Variants in CDH13 observed in about 807,000 individuals in gnomAD.
CDH13 encodes cadherin 13.
Under a neutral mutation model 63.8 loss-of-function variants are expected in CDH13, and 24 were observed. The ratio of observed to expected loss-of-function variants is 0.38; its 90% CI spans 0.27 to 0.53. The LOEUF (loss-of-function observed/expected upper bound fraction) is 0.53. Ranked by LOEUF, CDH13 falls within the 20% of genes least tolerant of loss-of-function variation. The pLI is 0.85. For synonymous variants in CDH13, 503 were observed against 355.3 expected (o/e 1.42, Z -4.67); for missense variants, 1,049 against 903.1 (o/e 1.16, Z -2.07).
chr16:82,897,646 G>C (rs1328015277), intron 2 of CDH13, among the ~76,000 whole-genome samples: 3 of 152,218 alleles, frequency 2.0e-5, no homozygotes, highest in Admixed American at 6.5e-5. Context: ...GTCTTCTGAA[G>C]TTGACACTTA....
chr16:83,321,328 A>G (rs2090218791), intron 5 of CDH13, among the ~76,000 whole-genome samples: 2 of 152,138 alleles, frequency 1.3e-5, no homozygotes, highest in African/African-American at 4.8e-5. Context: ...CTTTAATGGA[A>G]TTAATTAGTA....
chr16:83,783,059 C>G (rs1021840178), intron 12 of CDH13, among the ~76,000 whole-genome samples, 195 bp from the exon 13 acceptor site: 11 of 152,166 alleles, frequency 7.2e-5, no homozygotes, highest in Admixed American at 5.9e-4. Flanking sequence ...CTTCTGGGCA[C>G]TTGGAATGTG....
At chr16:82,635,189 G>C (rs1354480510) in intron 1 of CDH13, among the ~76,000 whole-genome samples, 1 of 152,212 alleles carries the variant, frequency 6.6e-6, no homozygotes, top group African/African-American at 2.4e-5. Context: ...CCAGGGCTTA[G>C]AACAGTGCCT....
chr16:83,617,883 T>C, intron 8 of CDH13, among the ~76,000 whole-genome samples: 1 of 152,166 alleles, frequency 6.6e-6, no homozygotes, highest in East Asian at 1.9e-4. Flanking sequence ...TCTAATAATA[T>C]ATGACATAAA....
At position 82,817,030 on chromosome 16, in the gene CDH13, C is replaced by T. The variant is rs145315417; in HGVS notation, c.46-41332C>T. On this transcript the variant is annotated intron_variant, in intron 1 of 13. Transcript: ENST00000567109. Reference sequence around the variant, plus strand: ...TATCCCTTAGGAGGAGATATCTAAGCCACTATGCAGTTGTGAGGTCTTTAG... The same window carrying T: ...TATCCCTTAGGAGGAGATATCTAAGTCACTATGCAGTTGTGAGGTCTTTAG... Among the ~76,000 whole-genome samples, 5 of 152,182 alleles carry T rather than the reference C, an allele frequency of 3.3e-5. No individual in the cohort carries two copies. The East Asian group carries it at 9.7e-4, about 30-fold the overall frequency.
chr16:83,180,919 C>T (rs2038329133), intron 4 of CDH13: 6 of 1,531,410 alleles, frequency 3.9e-6, no homozygotes, highest in Middle Eastern at 1.7e-4. Flanking sequence ...GAAGGCATTA[C>T]AGCAGATTTA....
intron 5 of CDH13, among the ~76,000 whole-genome samples, chr16:83,224,952 T>C (rs568078857): frequency 6.6e-6 from 1 of 152,328 alleles, no homozygotes; most frequent in Non-Finnish European, 1.5e-5. Flanking sequence ...AGCTAGCAGG[T>C]AAACAGTTGA....
rs140435658 is a variant in CDH13 at position 83,449,806 on chromosome 16, T to C, written c.782-36671T>C. Among the ~76,000 whole-genome samples the C allele has an allele frequency of 3.3e-5, 5 of 152,338 alleles. No individual in the cohort carries two copies. The East Asian group carries it at 7.7e-4, about 24-fold the overall frequency. ...AAATAGGGACGTTAACGCTGGGACGTACTCTGCTGGTTTGTTTTGAAGAGA... is the reference window on the plus strand; with the variant it reads ...AAATAGGGACGTTAACGCTGGGACGCACTCTGCTGGTTTGTTTTGAAGAGA... On this transcript the variant is annotated intron_variant, in intron 6 of 13. Coordinates refer to ENST00000567109, the MANE Select transcript of CDH13 (RefSeq NM_001257.5).
At chr16:82,917,491 G>A (rs1209220937) in intron 2 of CDH13, among the ~76,000 whole-genome samples, 1 of 152,104 alleles carries the variant, frequency 6.6e-6, no homozygotes, top group Non-Finnish European at 1.5e-5. Context: ...AGGCAAGAGA[G>A]GCAAGAAGGA....
At chr16:83,379,351 A>G (rs1292864791) in intron 6 of CDH13, among the ~76,000 whole-genome samples, 2 of 152,274 alleles carry the variant, frequency 1.3e-5, no homozygotes, top group East Asian at 1.9e-4. Context: ...TCCATGGCCT[A>G]TGGTACAAAG....
chr16:83,264,622 G>A (rs1394416555), intron 5 of CDH13, among the ~76,000 whole-genome samples: 2 of 151,248 alleles, frequency 1.3e-5, no homozygotes, highest in African/African-American at 4.9e-5. Flanking sequence ...TAACTTTTAA[G>A]GTTCTTTTTG....
intron 1 of CDH13, among the ~76,000 whole-genome samples, chr16:82,743,865 G>A (rs1288814982): frequency 1.3e-5 from 2 of 151,984 alleles, no homozygotes; most frequent in Non-Finnish European, 2.9e-5. Flanking sequence ...AAGCTATTCA[G>A]GTGTATGTAA....
intron 3 of CDH13, among the ~76,000 whole-genome samples, chr16:83,083,577 G>T (rs989816786): frequency 6.6e-6 from 1 of 152,134 alleles, no homozygotes. Context: ...CCGAAATTCT[G>T]TTGTTTTCTC....
At chr16:83,524,276 T>G (rs1310901627) in intron 7 of CDH13, among the ~76,000 whole-genome samples, 1 of 151,984 alleles carries the variant, frequency 6.6e-6, no homozygotes, top group African/African-American at 2.4e-5. Flanking sequence ...CCAGGCCCAG[T>G]GAAGGAGTAG....
At chr16:82,751,958 T>C (rs2151070954) in intron 1 of CDH13, among the ~76,000 whole-genome samples, 1 of 152,282 alleles carries the variant, frequency 6.6e-6, no homozygotes, top group East Asian at 1.9e-4. Flanking sequence ...TGTATCTGTC[T>C]TCCAGAAACA....
chr16:83,587,162 T>A (rs1451883351), intron 7 of CDH13, among the ~76,000 whole-genome samples: 1 of 152,172 alleles, frequency 6.6e-6, no homozygotes, highest in Non-Finnish European at 1.5e-5. Flanking sequence ...TAACCCTGCA[T>A]GGCAAAATTT....
intron 1 of CDH13, among the ~76,000 whole-genome samples, chr16:82,649,579 G>A (rs1457689155): frequency 6.6e-6 from 1 of 152,158 alleles, no homozygotes; most frequent in Admixed American, 6.5e-5. Context: ...GCCAGGACAT[G>A]TTGGGGAACC....
chr16:83,368,120 G>C (rs1397311815), intron 6 of CDH13, among the ~76,000 whole-genome samples: 1 of 152,048 alleles, frequency 6.6e-6, no homozygotes, highest in Non-Finnish European at 1.5e-5. Flanking sequence ...TACTGATCTT[G>C]TGTCCTTTAA....
intron 4 of CDH13, among the ~76,000 whole-genome samples, chr16:83,164,707 C>T (rs1000194658): frequency 6.3e-5 from 9 of 143,838 alleles, no homozygotes; most frequent in Admixed American, 1.4e-4. Context: ...GTGACAAGAG[C>T]GAGACTCTGT....
Sources: allele counts gnomAD v4.1 joint callset (sites outside exome capture counted in the v4.1 genomes callset), GRCh38; gene constraint gnomAD v4.1.1; transcripts MANE v1.5; gene names NCBI Gene and HGNC (gene_info 2026-07-23, HGNC 2026-07-21).